PARG: variants seen among roughly 807,000 people sequenced by gnomAD.
PARG encodes mitochondrial poly(ADP-ribose) glycohydrolase.
Under a neutral mutation model 113.0 loss-of-function variants are expected in PARG, and 35 were observed. The observed-to-expected ratio is 0.31, with a 90% CI of 0.24 to 0.41. The LOEUF (loss-of-function observed/expected upper bound fraction) is 0.41. PARG is among the 10% of genes least tolerant of loss of function. The pLI, the probability that PARG is intolerant of heterozygous loss-of-function variation, is 1.00. For missense variants in PARG, 797 were observed against 1,169.4 expected, an observed-to-expected ratio of 0.68 and a Z score of 4.64; for synonymous variants, 330 against 409.9, an observed-to-expected ratio of 0.81 and a Z score of 2.36.
chr10:49,885,464 T>A (rs1847430733), intron 7 of PARG, among the ~76,000 whole-genome samples, 169 bp from the exon 8 acceptor site: 1 of 152,192 alleles, frequency 6.6e-6, no homozygotes, highest in Admixed American at 6.5e-5. Context: ...AACAGGTGTA[T>A]ACAAATAAAC....
intron 4 of PARG, among the ~76,000 whole-genome samples, chr10:49,926,510 G>C (rs1589002414): frequency 6.6e-6 from 1 of 152,110 alleles, no homozygotes; most frequent in South Asian, 2.1e-4. Context: ...CCGCCAAATG[G>C]AAAGTGCCAA....
At chr10:49,865,818 C>T (rs1483332583) in intron 10 of PARG, among the ~76,000 whole-genome samples, 1 of 150,210 alleles carries the variant, frequency 6.7e-6, no homozygotes, top group Non-Finnish European at 1.5e-5. Flanking sequence ...AAGGACTTAA[C>T]CCTACATTCA....
chr10:49,866,227 C>T (rs1846506636), intron 10 of PARG, among the ~76,000 whole-genome samples: 1 of 151,962 alleles, frequency 6.6e-6, no homozygotes, highest in Non-Finnish European at 1.5e-5. Context: ...ACTAAAAAGG[C>T]CATGCCATTT....
chr10:49,914,643 C>A (rs1837369691), intron 7 of PARG, among the ~76,000 whole-genome samples: 1 of 152,092 alleles, frequency 6.6e-6, no homozygotes, highest in Admixed American at 6.6e-5. Context: ...ATAGCCAAAA[C>A]AAATTTGAAA....
rs532787121 is a variant in PARG at position 49,844,466 on chromosome 10, T to C, written c.2354-834A>G. Among the ~76,000 whole-genome samples the C allele has an allele frequency of 5.9e-5, 9 of 151,688 alleles. No individual in the cohort carries two copies. The East Asian group carries it at 1.6e-3, about 26-fold the overall frequency. The stretch of plus-strand genomic sequence containing the variant: ...GGTGAAGCTCCGTCTCTAATAAAAA[T>C]ACAAAAATTAGCTGGGCATTGTGGC... On this transcript the variant is annotated intron_variant, in intron 13 of 17. Coordinates refer to ENST00000616448, the MANE Select transcript of PARG (RefSeq NM_003631.5).
intron 13 of PARG, among the ~76,000 whole-genome samples, chr10:49,847,420 A>G (rs1317851604): frequency 1.3e-5 from 2 of 151,724 alleles, no homozygotes; most frequent in African/African-American, 4.8e-5. Context: ...ATGTCTCCTC[A>G]AAAGATATAC....
At chr10:49,884,013 T>C (rs7086002) in intron 8 of PARG, among the ~76,000 whole-genome samples, 28,812 of 151,880 alleles carry the variant, frequency 0.19, 3,276 homozygotes, top group Non-Finnish European at 0.27. Flanking sequence ...AATCAGCCTA[T>C]AGAGAGGCCC....
intron 12 of PARG, among the ~76,000 whole-genome samples, chr10:49,858,829 A>G (rs1202442607): frequency 1.3e-5 from 2 of 151,758 alleles, no homozygotes; most frequent in Non-Finnish European, 2.9e-5. Context: ...TATGAGGTCT[A>G]TGGGCACTGG....
intron 16 of PARG, among the ~76,000 whole-genome samples, chr10:49,830,061 G>A (rs1844579444): frequency 6.6e-6 from 1 of 151,916 alleles, no homozygotes; most frequent in South Asian, 2.1e-4. Flanking sequence ...CAATAGTTGA[G>A]GAAATGAATT....
chr10:49,883,847 C>T (rs1554839938), intron 8 of PARG, among the ~76,000 whole-genome samples: 1 of 144,910 alleles, frequency 6.9e-6, no homozygotes, highest in Non-Finnish European at 1.5e-5. Flanking sequence ...TACCCCTCCC[C>T]CTGGGTACTG....
chr10:49,840,496 C>G (rs1845175319), intron 15 of PARG, among the ~76,000 whole-genome samples: 1 of 151,516 alleles, frequency 6.6e-6, no homozygotes, highest in Non-Finnish European at 1.5e-5. Context: ...GTTGATACAC[C>G]AAAGGCCGGT....
At chr10:49,901,514 T>C (rs1848348079) in intron 7 of PARG, among the ~76,000 whole-genome samples, 1 of 152,060 alleles carries the variant, frequency 6.6e-6, no homozygotes, top group Non-Finnish European at 1.5e-5. Flanking sequence ...ATACATATTA[T>C]AGTGCTTAAT....
intron 13 of PARG, among the ~76,000 whole-genome samples, chr10:49,849,663 C>T (rs1845668545): frequency 6.6e-6 from 1 of 152,128 alleles, no homozygotes; most frequent in African/African-American, 2.4e-5. Flanking sequence ...ATAAATCTGT[C>T]TTAAGAAATG....
At chr10:49,858,657 C>G (rs1846109351) in intron 12 of PARG, among the ~76,000 whole-genome samples, 1 of 138,140 alleles carries the variant, frequency 7.2e-6, no homozygotes, top group African/African-American at 2.8e-5. Flanking sequence ...AAACATACCA[C>G]TGAGGAGTTC....
At chr10:49,830,573 T>C (rs1428081166) in intron 16 of PARG, among the ~76,000 whole-genome samples, 2 of 152,168 alleles carry the variant, frequency 1.3e-5, no homozygotes, top group African/African-American at 2.4e-5. Flanking sequence ...TTTTTTAATA[T>C]ACAAAGAGTT....
intron 12 of PARG, among the ~76,000 whole-genome samples, chr10:49,858,360 C>CAT (rs1381523649): frequency 6.6e-6 from 1 of 150,456 alleles, no homozygotes; most frequent in East Asian, 1.9e-4. Context: ...CACACACACA[C>CAT]ACACACACAC....
At chr10:49,827,173 G>A (rs1171965558) in intron 16 of PARG, among the ~76,000 whole-genome samples, 4 of 152,210 alleles carry the variant, frequency 2.6e-5, no homozygotes, top group Non-Finnish European at 4.4e-5. Flanking sequence ...ACAAGGGACC[G>A]AAGTAATTAG....
intron 10 of PARG, among the ~76,000 whole-genome samples, chr10:49,866,507 G>GT (rs1177061597): frequency 6.6e-6 from 1 of 151,752 alleles, no homozygotes; most frequent in African/African-American, 2.4e-5. Flanking sequence ...AAACTCACAA[G>GT]TAAGTGGTCA....
intron 7 of PARG, among the ~76,000 whole-genome samples, chr10:49,899,917 C>T (rs1232658447): frequency 6.6e-6 from 1 of 152,132 alleles, no homozygotes; most frequent in Non-Finnish European, 1.5e-5. Context: ...AAATGATTTG[C>T]CCTAACGATA....
Sources: gnomAD v4.1 joint callset for allele counts (sites outside exome capture counted in the v4.1 genomes callset) on GRCh38, gnomAD v4.1.1 for gene constraint, MANE v1.5 for transcripts, NCBI Gene and HGNC (gene_info 2026-07-23, HGNC 2026-07-21) for gene names.